ABLIM1: variants seen among roughly 807,000 people sequenced by gnomAD.
The protein encoded by ABLIM1 is actin-binding LIM protein 1.
In ABLIM1, 40 loss-of-function variants were observed where a neutral mutation model predicts 107.0. That is an observed-to-expected ratio of 0.37 (90% CI 0.29 to 0.49). ABLIM1 has a LOEUF of 0.49. ABLIM1 is among the 20% of genes least tolerant of loss of function. ABLIM1 has a pLI of 0.97. For missense variants in ABLIM1, 857 were observed against 1,008.5 expected (o/e 0.85, Z 2.04); for synonymous variants, 357 against 357.3 (o/e 1.00, Z 0.01).
chr10:114,765,875 A>C (rs1034131184), intron 1 of ABLIM1, among the ~76,000 whole-genome samples: 3 of 152,218 alleles, frequency 2.0e-5, no homozygotes, highest in African/African-American at 7.2e-5. Flanking sequence ...GTCATTACCA[A>C]ATGCCTACCA....
intron 1 of ABLIM1, among the ~76,000 whole-genome samples, chr10:114,607,105 C>T (rs1209707800): frequency 6.6e-6 from 1 of 152,198 alleles, no homozygotes; most frequent in African/African-American, 2.4e-5. Flanking sequence ...ACTCTGTCAC[C>T]AGGCTGGAAT....
At chr10:114,704,851 A>G (rs2081389377) in intron 1 of ABLIM1, among the ~76,000 whole-genome samples, 1 of 152,200 alleles carries the variant, frequency 6.6e-6, no homozygotes, top group Non-Finnish European at 1.5e-5. Context: ...ACTTCAGCGC[A>G]TTCTGATTCT....
intron 1 of ABLIM1, among the ~76,000 whole-genome samples, chr10:114,667,162 C>A (rs1214889259): frequency 6.6e-6 from 1 of 152,128 alleles, no homozygotes; most frequent in Non-Finnish European, 1.5e-5. Context: ...TTAAACCAAA[C>A]AGTTGTGATT....
intron 1 of ABLIM1, among the ~76,000 whole-genome samples, chr10:114,701,447 C>CA (rs1190178981): frequency 2.0e-5 from 3 of 152,104 alleles, no homozygotes; most frequent in East Asian, 1.9e-4. Flanking sequence ...CATAAATCCA[C>CA]AAAAAAGACT....
intron 6 of ABLIM1, among the ~76,000 whole-genome samples, chr10:114,534,233 G>A (rs1451801760): frequency 6.6e-6 from 1 of 152,158 alleles, no homozygotes; most frequent in African/African-American, 2.4e-5. Context: ...GTGCTGCTCT[G>A]GGTCCCTGAG....
intron 1 of ABLIM1, among the ~76,000 whole-genome samples, chr10:114,638,762 C>T (rs1476198701): frequency 6.6e-6 from 1 of 152,160 alleles, no homozygotes; most frequent in Non-Finnish European, 1.5e-5. Flanking sequence ...TTTGCCTTGC[C>T]TGTGTAAAGC....
At chr10:114,663,901 C>T (rs2079899002) in intron 1 of ABLIM1, among the ~76,000 whole-genome samples, 2 of 152,230 alleles carry the variant, frequency 1.3e-5, no homozygotes, top group Admixed American at 1.3e-4. Flanking sequence ...AGGTTCCCCA[C>T]CGTGGCTCTC....
intron 1 of ABLIM1, among the ~76,000 whole-genome samples, chr10:114,683,555 C>A (rs1302851559): frequency 6.6e-6 from 1 of 152,020 alleles, no homozygotes; most frequent in African/African-American, 2.4e-5. Flanking sequence ...GGAGGTCCTG[C>A]GAAACAGAGA....
At chr10:114,599,531 G>A (rs1018545058) in intron 2 of ABLIM1, among the ~76,000 whole-genome samples, 1 of 152,118 alleles carries the variant, frequency 6.6e-6, no homozygotes, top group Non-Finnish European at 1.5e-5. Flanking sequence ...CAGCACTTTG[G>A]GAGGCTGAGG....
At chr10:114,569,075 A>C (rs769658625) in intron 4 of ABLIM1, among the ~76,000 whole-genome samples, 1 of 152,116 alleles carries the variant, frequency 6.6e-6, no homozygotes, top group African/African-American at 2.4e-5. Flanking sequence ...AAAGAGAGAG[A>C]GAGCAAGCAA....
chr10:114,591,758 C>T (rs1304218873), intron 2 of ABLIM1, among the ~76,000 whole-genome samples: 1 of 140,464 alleles, frequency 7.1e-6, no homozygotes, highest in Admixed American at 7.4e-5. Flanking sequence ...ACACCTGAGA[C>T]CAGAAGTATT....
At chr10:114,613,641 A>C in intron 1 of ABLIM1, 51 of 1,315,082 alleles carry the variant, frequency 3.9e-5, no homozygotes, top group Non-Finnish European at 4.6e-5. Flanking sequence ...GAATAAAGAC[A>C]CAAACCTGCC....
At chr10:114,633,416 T>G (rs191406235) in intron 1 of ABLIM1, among the ~76,000 whole-genome samples, 2 of 152,110 alleles carry the variant, frequency 1.3e-5, no homozygotes. Context: ...GCTGTGACAT[T>G]CCTACATCTG....
chr10:114,566,651 A>G (rs955842778), intron 4 of ABLIM1, among the ~76,000 whole-genome samples: 2 of 152,204 alleles, frequency 1.3e-5, no homozygotes, highest in African/African-American at 4.8e-5. Context: ...CGTAATGTTT[A>G]TTGCTTATTG....
the ABLIM1 span, among the ~76,000 whole-genome samples, chr10:114,780,853 AG>A: frequency 1.3e-5 from 2 of 152,162 alleles, no homozygotes; most frequent in African/African-American, 2.4e-5. Context: ...GGCAGGTTCA[AG>A]GTTAAAAGAT....
chr10:114,664,559 T>A (rs79862851), intron 1 of ABLIM1, among the ~76,000 whole-genome samples: 2,670 of 152,068 alleles, frequency 0.018, 30 homozygotes, highest in Middle Eastern at 0.058. Context: ...ATTTTATTTT[T>A]TTTTGAGAAG....
chr10:114,761,616 C>T (rs2082748302), intron 1 of ABLIM1, among the ~76,000 whole-genome samples: 1 of 152,194 alleles, frequency 6.6e-6, no homozygotes, highest in Non-Finnish European at 1.5e-5. Flanking sequence ...CCACTGACAA[C>T]CTTCCACTGT....
intron 1 of ABLIM1, among the ~76,000 whole-genome samples, chr10:114,744,382 A>T (rs558080057): frequency 6.6e-6 from 1 of 152,344 alleles, no homozygotes; most frequent in Admixed American, 6.5e-5. Context: ...AATCCACCGC[A>T]GACTGATACG....
chr10:114,439,438 G>A (rs1033801089), intron 20 of ABLIM1, among the ~76,000 whole-genome samples, 188 bp from the exon 21 acceptor site: 1 of 152,192 alleles, frequency 6.6e-6, no homozygotes, highest in Non-Finnish European at 1.5e-5. Context: ...CAGCTCTTTT[G>A]CAATCAAGTT....
Sources: gnomAD v4.1 joint callset for allele counts (sites outside exome capture counted in the v4.1 genomes callset) on GRCh38, gnomAD v4.1.1 for gene constraint, MANE v1.5 for transcripts, NCBI Gene and HGNC (gene_info 2026-07-23, HGNC 2026-07-21) for gene names.